TRIM6: variants seen among roughly 807,000 people sequenced by gnomAD.
TRIM6 encodes tripartite motif containing 6.
A neutral mutation model predicts 51.2 loss-of-function variants in TRIM6; 43 were observed. The observed-to-expected ratio is 0.84, with a 90% confidence interval of 0.66 to 1.08. The LOEUF (loss-of-function observed/expected upper bound fraction) is 1.08, where lower values mean the gene tolerates loss of function less well. Among genes scored for constraint, TRIM6 ranks in the 50% least tolerant of loss-of-function variants. TRIM6 has a pLI of 0.00. For synonymous variants in TRIM6, 215 were observed against 232.4 expected (o/e 0.93, Z 0.68); for missense variants, 669 against 619.0 (o/e 1.08, Z -0.86).
At chr11:5,610,661 C>T (rs1215945771) in intron 7 of TRIM6, 100 bp downstream of exon 7, 2 of 1,566,234 alleles carry the variant, frequency 1.3e-6, no homozygotes, top group African/African-American at 1.4e-5. Flanking sequence ...TTGATGCCTC[C>T]CCCATCCCCG....
At chr11:5,607,836 TAATCAAAA>T (rs934805424) in intron 4 of TRIM6, among the ~76,000 whole-genome samples, 2 of 152,286 alleles carry the variant, frequency 1.3e-5, no homozygotes, top group Non-Finnish European at 2.9e-5. Context: ...GTGTATATAT[TAATCAAAA>T]TCATAAGGAA....
intron 4 of TRIM6, among the ~76,000 whole-genome samples, chr11:5,606,926 G>A (rs765238237): frequency 2.6e-5 from 4 of 152,162 alleles, no homozygotes; most frequent in Non-Finnish European, 5.9e-5. Flanking sequence ...AGCCAAGGCC[G>A]AGCGCGGTGG....
Position 5,603,268 on chromosome 11 carries a change from T to C in TRIM6, c.40T>C (p.Leu14=). 1 of 1,613,834 alleles carries C rather than the reference T, an allele frequency of 6.2e-7. No individual in the cohort carries two copies. The highest frequency in any genetic ancestry group is 8.5e-7 in the Non-Finnish European group (1 of 1,179,858). ...TAGGATTCTACAGGCAGGAAACATC[T>C]TAGAAATCAGGGTTGGGCAGGCAGG... The part of the protein sequence containing the change: ...SERILQAGNI[L]EIRVGQAGAR... Residue 14 remains leucine (L), a synonymous_variant, in exon 2 of 8, where the codon TTA becomes CTA. Coordinates refer to ENST00000380097, the MANE Select transcript of TRIM6 (RefSeq NM_001003818.3).
At chr11:5,607,498 C>T (rs1362937474) in intron 4 of TRIM6, among the ~76,000 whole-genome samples, 1 of 152,126 alleles carries the variant, frequency 6.6e-6, no homozygotes, top group African/African-American at 2.4e-5. Context: ...CAAACTTAAG[C>T]TTTTCTTCGG....
Position 5,611,195 on chromosome 11 carries a change from G to A in TRIM6, c.1404G>A (p.Glu468=), listed in dbSNP as rs1848558165. ...PRRVGVFLDY[E]AGTVSFYNVT... is the part of the protein sequence containing the mutation. ...GTGTTGGGGTTTTCTTAGATTATGA[G>A]GCTGGTACTGTCTCCTTTTATAATG... The change falls in exon 8 of 8, where the codon GAG becomes GAA. Residue 468 remains glutamate, a synonymous_variant. Coordinates refer to ENST00000380097, the MANE Select transcript of TRIM6 (RefSeq NM_001003818.3). The A allele has an allele frequency of 1.9e-6, 3 of 1,613,952 alleles. No homozygotes were observed. The highest frequency in any genetic ancestry group is 1.7e-5 in the Admixed American group (1 of 59,996).
intron 1 of TRIM6, among the ~76,000 whole-genome samples, chr11:5,598,013 G>C (rs1266654416): frequency 3.9e-5 from 6 of 152,214 alleles, no homozygotes; most frequent in Non-Finnish European, 5.9e-5. Flanking sequence ...CTAGTTAGCA[G>C]ACCTTTTTCA....
At position 5,603,702 on chromosome 11, in the gene TRIM6, G is replaced by A. The variant is rs139569291; in HGVS notation, c.474G>A (p.Thr158=). The A allele has an allele frequency of 1.5e-5, 24 of 1,613,420 alleles. No homozygotes were observed. Among genetic ancestry groups the A allele is most frequent in the African/African-American group, 1.5e-4 (11 of 74,840 alleles). Residue 158 remains threonine, a synonymous_variant, in exon 2 of 8, where the codon ACG becomes ACA. Transcript: ENST00000380097. Reference sequence around the variant, plus strand: ...CTCAGGAGCACCGTGGTCACCACACGTTCCTCGTGGAGGAGGTTGCCCAGG... The same window carrying A: ...CTCAGGAGCACCGTGGTCACCACACATTCCTCGTGGAGGAGGTTGCCCAGG... ...ERSQEHRGHH[T]FLVEEVAQEY...
At position 5,605,320 on chromosome 11, in the gene TRIM6, C is replaced by T. The variant is rs755283869; in HGVS notation, c.604-17C>T. 8.7e-6 allele frequency: 14 copies of T among 1,613,714 alleles called. No homozygotes were observed. Among genetic ancestry groups the T allele is most frequent in the Non-Finnish European group, 1.2e-5 (14 of 1,179,940 alleles). ...TGTGACCGACTAGCAGCCTCTTTTT[C>T]TTCCCTGTTCCTGAAGAATCAGATG... On this transcript the variant is annotated splice_polypyrimidine_tract_variant and intron_variant, in intron 3 of 7. Transcript: ENST00000380097.
Position 5,596,849 on chromosome 11 carries a change from C to T in TRIM6, c.-49C>T. On this transcript the variant is annotated 5_prime_UTR_variant, in exon 1 of 8. Coordinates refer to ENST00000380097, the MANE Select transcript of TRIM6 (RefSeq NM_001003818.3). ...CTTGGATTGCTCTGAAGAGCTTTGA[C>T]CACCTGATATTGCTTACATCTGGAA... 1 of 1,613,642 alleles carries T rather than the reference C, an allele frequency of 6.2e-7. No homozygotes were observed. The highest frequency in any genetic ancestry group is 8.5e-7 in the Non-Finnish European group (1 of 1,179,836).
chr11:5,600,962 C>T (rs1847806876), intron 1 of TRIM6, among the ~76,000 whole-genome samples: 1 of 152,170 alleles, frequency 6.6e-6, no homozygotes, highest in Non-Finnish European at 1.5e-5. Flanking sequence ...AGAGTATTCT[C>T]AGTGTGATTT....
At chr11:5,610,695 C>A in intron 7 of TRIM6, 82 bp from the exon 8 acceptor site, 1 of 1,572,158 alleles carries the variant, frequency 6.4e-7, no homozygotes, top group Non-Finnish European at 8.6e-7. Context: ...GTTCCTCCAA[C>A]CACTTCCTGT....
At chr11:5,600,693 A>G (rs1019704880) in intron 1 of TRIM6, among the ~76,000 whole-genome samples, 20 of 85,644 alleles carry the variant, frequency 2.3e-4, no homozygotes, top group African/African-American at 8.7e-4. Flanking sequence ...GCCCACACGG[A>G]CTGTTTTTTA....
chr11:5,602,586 A>T (rs1356385659), intron 1 of TRIM6, among the ~76,000 whole-genome samples: 1 of 151,940 alleles, frequency 6.6e-6, no homozygotes, highest in African/African-American at 2.4e-5. Context: ...ATCACGAACG[A>T]CAAATGCAAA....
intron 6 of TRIM6, 73 bp downstream of exon 6, chr11:5,610,318 A>G (rs1415814166): frequency 8.7e-6 from 14 of 1,604,074 alleles, no homozygotes; most frequent in African/African-American, 2.7e-5. Flanking sequence ...GATAGAGGCT[A>G]TAGTCGGTAT....
rs1848580373 is a variant in TRIM6 at position 5,611,566 on chromosome 11, G to C, written c.*224G>C. 3 of 462,050 alleles carry C rather than the reference G, an allele frequency of 6.5e-6. No homozygotes were observed. The highest frequency in any genetic ancestry group is 1.1e-5 in the Non-Finnish European group (3 of 261,092). The allele number at this position is 462,050 out of a possible 1,614,324, so 28.6% of individuals were successfully genotyped here. A position where few individuals can be genotyped will look rare whatever the true frequency, so the allele number is the denominator to read the frequency against. On this transcript the variant is annotated 3_prime_UTR_variant, in exon 8 of 8. Coordinates refer to ENST00000380097, the MANE Select transcript of TRIM6 (RefSeq NM_001003818.3). ...CCTCCTGGGTTCAAGCGAACCTCCT[G>C]CCTCAGCATCCCAAGTAGCTGGGAT... is the stretch of plus-strand genomic sequence containing the variant.
In TRIM6 at chr11:5,611,411, G is replaced by A. The variant is rs1236690124; in HGVS notation, c.*69G>A. 1 of 1,254,206 alleles carries A rather than the reference G, an allele frequency of 8.0e-7. No individual in the cohort carries two copies. The highest frequency in any genetic ancestry group is 2.3e-5 in the East Asian group (1 of 42,952). The allele number at this position is 1,254,206 out of a possible 1,614,324, so 77.7% of individuals were successfully genotyped here. ...TTATCAGCATGTGATTCTCCCTTCTGATCTTCTGTTTTTCTGTGTTCTCAA... is the reference window on the plus strand; with the variant it reads ...TTATCAGCATGTGATTCTCCCTTCTAATCTTCTGTTTTTCTGTGTTCTCAA... On this transcript the variant is annotated 3_prime_UTR_variant, in exon 8 of 8. Transcript: ENST00000380097.
Position 5,610,758 on chromosome 11 carries a change from G to A in TRIM6, c.986-19G>A, listed in dbSNP as rs1410567774. ...CATGTCCCCGTTCTCATCTGCTGAT[G>A]TTGTACCTTTTCCTACAGTTGACGT... On this transcript the variant is annotated intron_variant, in intron 7 of 7. Transcript: ENST00000380097. The A allele has an allele frequency of 1.9e-6, 3 of 1,612,352 alleles. No individual in the cohort carries two copies. Among genetic ancestry groups the A allele is most frequent in the Non-Finnish European group, 1.7e-6 (2 of 1,178,988 alleles).
At position 5,609,868 on chromosome 11, in the gene TRIM6, A is replaced by T. The variant is rs1186387317; in HGVS notation, c.858-277A>T. The stretch of plus-strand genomic sequence containing the variant: ...AACCTGGGAGGTGGAGGTTGCAGTG[A>T]GCCGAGATCGTGCCACTGCACTCCA... On this transcript the variant is annotated intron_variant, in intron 5 of 7. Coordinates refer to ENST00000380097, the MANE Select transcript of TRIM6 (RefSeq NM_001003818.3). Among the ~76,000 whole-genome samples the T allele has an allele frequency of 2.0e-5, 3 of 152,192 alleles. No individual in the cohort carries two copies. In the South Asian group the frequency reaches 6.2e-4, roughly 31 times the overall value.
intron 1 of TRIM6, among the ~76,000 whole-genome samples, chr11:5,598,850 G>A (rs1847643493): frequency 6.6e-6 from 1 of 152,112 alleles, no homozygotes; most frequent in Non-Finnish European, 1.5e-5. Context: ...ATACAGTTCT[G>A]TGAATTTTCA....
Sources: allele counts gnomAD v4.1 joint callset (sites outside exome capture counted in the v4.1 genomes callset), GRCh38; gene constraint gnomAD v4.1.1; transcripts MANE v1.5; gene names NCBI Gene and HGNC (gene_info 2026-07-23, HGNC 2026-07-21).